Variants in CREB5 observed in about 807,000 individuals in gnomAD.
CREB5 encodes the protein cAMP responsive element binding protein 5.
A neutral mutation model predicts 57.1 loss-of-function variants in CREB5; 19 were observed. That is an observed-to-expected ratio of 0.33 (90% CI 0.23 to 0.49). The LOEUF is 0.49. CREB5 is among the 20% of genes least tolerant of loss of function. The pLI is 0.99. For missense variants in CREB5, 579 were observed against 671.6 expected (o/e 0.86, Z 1.52); for synonymous variants, 238 against 238.3 (o/e 1.00, Z 0.01).
intron 1 of CREB5, among the ~76,000 whole-genome samples, chr7:28,347,058 T>C (rs557247114): frequency 6.6e-6 from 1 of 152,340 alleles, no homozygotes; most frequent in Non-Finnish European, 1.5e-5. Flanking sequence ...TCTGTGAATA[T>C]CTGTGGGCAT....
intron 5 of CREB5, among the ~76,000 whole-genome samples, chr7:28,717,086 C>CTTTTTT (rs5883165): frequency 0.098 from 10,744 of 109,898 alleles, 1,092 homozygotes; most frequent in African/African-American, 0.19. Context: ...GCTTTATATT[C>CTTTTTT]TTTTTTTTTT....
chr7:28,404,284 G>A (rs1787533060), intron 1 of CREB5, among the ~76,000 whole-genome samples: 1 of 152,092 alleles, frequency 6.6e-6, no homozygotes, highest in African/African-American at 2.4e-5. Flanking sequence ...GTAAGATAGG[G>A]TTCTTGGTTG....
intron 1 of CREB5, among the ~76,000 whole-genome samples, chr7:28,318,771 G>A (rs758893762): frequency 3.3e-5 from 5 of 152,164 alleles, no homozygotes; most frequent in Non-Finnish European, 5.9e-5. Context: ...GAATATCATC[G>A]TAAATACAGC....
At chr7:28,668,939 A>G (rs999737833) in intron 5 of CREB5, among the ~76,000 whole-genome samples, 19 of 151,730 alleles carry the variant, frequency 1.3e-4, no homozygotes, top group African/African-American at 4.4e-4. Flanking sequence ...TTGTCCTTTC[A>G]CTCTGCCCTG....
rs1491163353 is a variant in CREB5 at position 28,824,412 on chromosome 7, GAC to G, written c.*5134_*5135del. On this transcript the variant is annotated 3_prime_UTR_variant, in exon 11 of 11. Transcript: ENST00000357727. ...ACATCTGACTGTTGTCCTAGCCATA[GAC>G]TCTCTGAGGCCACTGAAAGAACAGT... is the stretch of plus-strand genomic sequence containing the variant. 1 of 152,564 alleles carries G rather than the reference GAC, an allele frequency of 6.6e-6. No individual in the cohort carries two copies. The highest frequency in any genetic ancestry group is 1.5e-5 in the Non-Finnish European group (1 of 68,026). The allele number at this position is 152,564 out of a possible 1,614,324, so 9.5% of individuals were successfully genotyped here. A position where few individuals can be genotyped will look rare whatever the true frequency, so the allele number is the denominator to read the frequency against.
In CREB5 at chr7:28,555,674, A is replaced by C. The variant is rs1426256152; in HGVS notation, c.292-14691A>C. ...AACAGATCTTAGAGCAAAATAAAAA[A>C]AACAGGCAAACAAACACATAACTAT... On this transcript the variant is annotated intron_variant, in intron 4 of 10. Transcript: ENST00000357727. Among the ~76,000 whole-genome samples the C allele has an allele frequency of 3.9e-5, 6 of 152,350 alleles. No homozygotes were observed. The East Asian group carries it at 1.2e-3, about 29-fold the overall frequency.
chr7:28,420,993 C>T (rs1374557891), intron 1 of CREB5, among the ~76,000 whole-genome samples: 2 of 151,928 alleles, frequency 1.3e-5, no homozygotes, highest in Non-Finnish European at 2.9e-5. Context: ...TTTGCATTCA[C>T]TTATTTTTAT....
At chr7:28,678,512 A>G (rs1290776743) in intron 5 of CREB5, among the ~76,000 whole-genome samples, 1 of 152,246 alleles carries the variant, frequency 6.6e-6, no homozygotes, top group Non-Finnish European at 1.5e-5. Flanking sequence ...AGTCACTATG[A>G]TCATTTTATT....
chr7:28,546,331 T>C (rs1253301454), intron 4 of CREB5, among the ~76,000 whole-genome samples: 1 of 152,254 alleles, frequency 6.6e-6, no homozygotes, highest in Non-Finnish European at 1.5e-5. Flanking sequence ...TTGGTTATTA[T>C]GAATAATGCT....
chr7:28,378,012 T>G (rs1786878663), intron 1 of CREB5, among the ~76,000 whole-genome samples: 1 of 152,058 alleles, frequency 6.6e-6, no homozygotes, highest in Admixed American at 6.5e-5. Context: ...TCTCTCTTGT[T>G]TTAATATTAC....
rs1809855499 is a variant in CREB5 at position 28,822,782 on chromosome 7, G to A, written c.*3503G>A. 6.6e-6 allele frequency: 1 copy of A among 152,652 alleles called. No individual in the cohort carries two copies. The highest frequency in any genetic ancestry group is 1.9e-4 in the East Asian group (1 of 5,186). The allele number at this position is 152,652 out of a possible 1,614,324, so 9.5% of individuals were successfully genotyped here. ...TCCACGAAGCCAGGAGAGGTAGAGT[G>A]AAAATCCCAGCCATGGATGAATGTA... On this transcript the variant is annotated 3_prime_UTR_variant, in exon 11 of 11. Transcript: ENST00000357727.
At chr7:28,634,709 T>C (rs1227715553) in intron 5 of CREB5, among the ~76,000 whole-genome samples, 1 of 152,164 alleles carries the variant, frequency 6.6e-6, no homozygotes, top group Non-Finnish European at 1.5e-5. Flanking sequence ...CATTCATACC[T>C]ACCCATTTTT....
intron 4 of CREB5, among the ~76,000 whole-genome samples, chr7:28,560,957 T>TGTGCGCGCGTGTGCGTGCGTGCGC (rs1562798112): frequency 2.3e-5 from 1 of 43,438 alleles, no homozygotes; most frequent in Non-Finnish European, 4.4e-5. Context: ...TGTGCGTGTG[T>TGTGCGCGCGTGTGCGTGCGTGCGC]GTGCGTGTGT....
rs369822648 is a variant in CREB5, at chr7:28,338,917, G to A, written c.-25+39476G>A. Among the ~76,000 whole-genome samples, 14 of 151,854 alleles carry A rather than the reference G, an allele frequency of 9.2e-5. No homozygotes were observed. In the East Asian group the frequency reaches 9.7e-4, roughly 11 times the overall value. On this transcript the variant is annotated intron_variant, in intron 1 of 9. Coordinates refer to the CREB5 transcript ENST00000396299. Reference sequence around the variant, plus strand: ...AGTTCTGCTATTAAGAGACTGATGCGTTCTCCAGTTTGTCAATTGCATTTT... The same window carrying A: ...AGTTCTGCTATTAAGAGACTGATGCATTCTCCAGTTTGTCAATTGCATTTT...
intron 1 of CREB5, chr7:28,435,510 A>G (rs956125823): frequency 1.2e-5 from 5 of 412,302 alleles, no homozygotes; most frequent in African/African-American, 1.1e-4. Flanking sequence ...GCCGGCCTTA[A>G]TATGAATGAG....
intron 1 of CREB5, among the ~76,000 whole-genome samples, chr7:28,313,983 C>T (rs746155135): frequency 6.6e-6 from 1 of 152,052 alleles, no homozygotes; most frequent in Non-Finnish European, 1.5e-5. Context: ...AAAATATTGG[C>T]CATGCCAAAG....
intron 1 of CREB5, among the ~76,000 whole-genome samples, chr7:28,367,905 G>A (rs945957548): frequency 6.6e-6 from 1 of 152,132 alleles, no homozygotes; most frequent in Non-Finnish European, 1.5e-5. Context: ...CACCTTCCCT[G>A]CTCCCTCCCT....
chr7:28,648,107 AT>A (rs896579218), intron 5 of CREB5, among the ~76,000 whole-genome samples: 43 of 152,142 alleles, frequency 2.8e-4, no homozygotes, highest in Non-Finnish European at 5.7e-4. Flanking sequence ...GTTTGAAGTT[AT>A]TTTTTAATGC....
At chr7:28,577,874 C>G (rs571722091) in intron 5 of CREB5, among the ~76,000 whole-genome samples, 2 of 152,286 alleles carry the variant, frequency 1.3e-5, no homozygotes, top group South Asian at 4.1e-4. Flanking sequence ...AGCTTCCTCT[C>G]TTGAAGTAAT....
Sources: gnomAD v4.1 joint callset for allele counts (sites outside exome capture counted in the v4.1 genomes callset) on GRCh38, gnomAD v4.1.1 for gene constraint, MANE v1.5 for transcripts, NCBI Gene and HGNC (gene_info 2026-07-23, HGNC 2026-07-21) for gene names.